PDE4D: variants seen among roughly 807,000 people sequenced by gnomAD.
PDE4D encodes the protein phosphodiesterase 4D.
PDE4D carries 24 observed loss-of-function variants against 87.4 expected under a neutral mutation model. The ratio of observed to expected loss-of-function variants is 0.27; its 90% CI spans 0.20 to 0.39. The LOEUF is 0.39. Among genes scored for constraint, PDE4D ranks in the 10% least tolerant of loss-of-function variants. The pLI is 1.00. For missense variants in PDE4D, 714 were observed against 1,041.0 expected (o/e 0.69, Z 4.32); for synonymous variants, 384 against 383.2 (o/e 1.00, Z -0.02).
intron 1 of PDE4D, among the ~76,000 whole-genome samples, chr5:60,383,352 A>G (rs1761990616): frequency 6.6e-6 from 1 of 152,242 alleles, no homozygotes; most frequent in African/African-American, 2.4e-5. Context: ...AATGAATTCT[A>G]TGAAAATAAA....
At chr5:59,936,803 A>G (rs1455889439) in intron 3 of PDE4D, among the ~76,000 whole-genome samples, 4 of 152,262 alleles carry the variant, frequency 2.6e-5, no homozygotes. Context: ...CACTCATGGC[A>G]TATATTAAAT....
chr5:59,637,467 A>G (rs1425759288), intron 1 of PDE4D, among the ~76,000 whole-genome samples: 1 of 152,128 alleles, frequency 6.6e-6, no homozygotes, highest in Non-Finnish European at 1.5e-5. Flanking sequence ...TTGCAGGACT[A>G]TTCACAATAG....
At chr5:59,411,596 C>T (rs929800482) in intron 1 of PDE4D, among the ~76,000 whole-genome samples, 74 of 152,272 alleles carry the variant, frequency 4.9e-4, no homozygotes, top group African/African-American at 1.4e-3. Context: ...ACATGGTTGT[C>T]TCTGTGTGCA....
chr5:59,534,776 A>C (rs2153681280), intron 1 of PDE4D, among the ~76,000 whole-genome samples: 1 of 152,280 alleles, frequency 6.6e-6, no homozygotes, highest in African/African-American at 2.4e-5. Context: ...CTCCAGCCAA[A>C]GTGTAAGCTC....
chr5:59,274,688 A>C (rs1039734510), intron 1 of PDE4D, among the ~76,000 whole-genome samples: 1 of 152,172 alleles, frequency 6.6e-6, no homozygotes, highest in Admixed American at 6.5e-5. Context: ...CCATATGCTG[A>C]TTAGCATATC....
intron 1 of PDE4D, among the ~76,000 whole-genome samples, chr5:59,650,580 T>C (rs1261136522): frequency 1.3e-5 from 2 of 152,160 alleles, no homozygotes; most frequent in East Asian, 1.9e-4. Flanking sequence ...TTAGCCAATA[T>C]CCATTCTTAA....
chr5:60,241,956 A>C (rs1435997175), intron 1 of PDE4D, among the ~76,000 whole-genome samples: 1 of 152,190 alleles, frequency 6.6e-6, no homozygotes, highest in East Asian at 1.9e-4. Context: ...TATGTCTGTC[A>C]GCAGACTTTT....
intron 1 of PDE4D, among the ~76,000 whole-genome samples, chr5:60,373,686 A>T (rs1487641951): frequency 1.3e-5 from 2 of 152,292 alleles, no homozygotes; most frequent in Admixed American, 6.5e-5. Context: ...ACAGTTATGG[A>T]TATCAGAGGC....
At chr5:60,094,588 CT>C (rs3087200) in intron 2 of PDE4D, among the ~76,000 whole-genome samples, 8,138 of 58,096 alleles carry the variant, frequency 0.14, 284 homozygotes, top group Middle Eastern at 0.21. Context: ...GAGTGACATG[CT>C]TTTTTTTTTT....
intron 2 of PDE4D, among the ~76,000 whole-genome samples, chr5:60,161,157 T>A (rs1020599050): frequency 1.3e-5 from 2 of 152,160 alleles, no homozygotes; most frequent in African/African-American, 4.8e-5. Flanking sequence ...ATAACTCTCA[T>A]GGCTCCTTTC....
chr5:59,820,520 A>C (rs1769514418), intron 1 of PDE4D, among the ~76,000 whole-genome samples: 1 of 152,236 alleles, frequency 6.6e-6, no homozygotes, highest in Admixed American at 6.5e-5. Flanking sequence ...TGGGTTTCTA[A>C]GTAAAAAGCA....
chr5:59,317,427 C>T (rs1313643191), intron 1 of PDE4D, among the ~76,000 whole-genome samples: 1 of 152,074 alleles, frequency 6.6e-6, no homozygotes, highest in Non-Finnish European at 1.5e-5. Context: ...AGTAACCAGG[C>T]AGGACACCAG....
chr5:59,180,442 T>A (rs1741252208), intron 5 of PDE4D, 153 bp downstream of exon 5: 3 of 737,626 alleles, frequency 4.1e-6, no homozygotes, highest in Non-Finnish European at 2.4e-6. Flanking sequence ...AGACAATTTG[T>A]GAGATCAATG....
At chr5:59,725,466 G>A (rs942334446) in intron 1 of PDE4D, among the ~76,000 whole-genome samples, 3 of 152,044 alleles carry the variant, frequency 2.0e-5, no homozygotes, top group East Asian at 1.9e-4. Context: ...AAAAGAGTAC[G>A]TAAAAGAGCA....
rs1444768310 is a variant in PDE4D at position 60,280,327 on chromosome 5, A to ATATATATATATATAT, written c.-89-94641_-89-94640insATATATATATATATA. ...CTATATACATACATATATATATATA[A>ATATATATATATATAT]ATATATATACACACATATATATAAA... is the stretch of plus-strand genomic sequence containing the variant. On this transcript the variant is annotated intron_variant, in intron 1 of 16. Transcript: ENST00000502484. 1.6e-4 allele frequency among the ~76,000 whole-genome samples: 23 copies of ATATATATATATATAT among 142,616 alleles called. No homozygotes were observed. In the South Asian group the frequency reaches 4.3e-3, roughly 27 times the overall value. 93.6% of individuals were successfully genotyped at this position (142,616 alleles called of 152,430 possible).
chr5:60,330,191 A>G (rs1757192367), intron 1 of PDE4D, among the ~76,000 whole-genome samples: 1 of 150,250 alleles, frequency 6.7e-6, no homozygotes, highest in Non-Finnish European at 1.5e-5. Flanking sequence ...TTTTTGAAAA[A>G]GTAGTTAATG....
chr5:59,239,698 C>T (rs1757258542), intron 1 of PDE4D, among the ~76,000 whole-genome samples: 1 of 152,130 alleles, frequency 6.6e-6, no homozygotes, highest in South Asian at 2.1e-4. Context: ...TGCTTTAACT[C>T]TAGGTTCCCA....
intron 3 of PDE4D, among the ~76,000 whole-genome samples, chr5:59,967,234 CAA>C (rs1285474836): frequency 6.6e-6 from 1 of 152,042 alleles, no homozygotes; most frequent in Non-Finnish European, 1.5e-5. Flanking sequence ...GCAAAACATT[CAA>C]ATATTTTAGA....
chr5:59,907,582 G>A (rs1055527937), intron 3 of PDE4D, among the ~76,000 whole-genome samples: 1 of 152,158 alleles, frequency 6.6e-6, no homozygotes, highest in African/African-American at 2.4e-5. Context: ...ATGTACCCCT[G>A]AACCTAAAAT....
Sources: gnomAD v4.1 joint callset for allele counts (sites outside exome capture counted in the v4.1 genomes callset) on GRCh38, gnomAD v4.1.1 for gene constraint, MANE v1.5 for transcripts, NCBI Gene and HGNC (gene_info 2026-07-23, HGNC 2026-07-21) for gene names.